The following STK17B variants were observed in gnomAD, a reference collection of about 807,000 sequenced individuals.
The protein encoded by STK17B is serine/threonine kinase 17b, also known as serine/threonine-protein kinase 17B.
In STK17B, 21 loss-of-function variants were observed where a neutral mutation model predicts 42.0. The ratio of observed to expected loss-of-function variants is 0.50; its 90% confidence interval spans 0.35 to 0.72. The LOEUF is 0.72. Ranked by LOEUF, STK17B falls within the 30% of genes least tolerant of loss-of-function variation. The probability of loss-of-function intolerance (pLI) is 0.00; values close to 1 mark genes in which losing one functional copy is unlikely to be tolerated. For missense variants in STK17B, 349 were observed against 446.0 expected, an observed-to-expected ratio of 0.78 and a Z score of 1.96; for synonymous variants, 143 against 148.4, an observed-to-expected ratio of 0.96 and a Z score of 0.26.
rs2105702483 is a variant in STK17B at position 196,156,591 on chromosome 2, T to G, written c.183A>C (p.Ala61=). The G allele has an allele frequency of 6.2e-7, 1 of 1,614,118 alleles. No homozygotes were observed. Among genetic ancestry groups the G allele is most frequent in the East Asian group, 2.2e-5 (1 of 44,848 alleles). The change falls in exon 3 of 8, where the codon GCA becomes GCC. Residue 61 remains alanine, a synonymous_variant. Transcript: ENST00000263955. ...CTCTTCTTCTCTTTTTTAGAAATTT[T>G]GCAGCATATTCTTGGCCAGTAGATT... is the stretch of plus-strand genomic sequence containing the variant. ...ISKSTGQEYA[A]KFLKKRRRGQ...
chr2:196,139,767 G>A lies in STK17B; in HGVS notation c.689C>T (p.Thr230Ile). The stretch of plus-strand genomic sequence containing the variant: ...TTCTCCCACAAATGGTGATGTGTGA[G>A]TTAACAACATATATGCTATTATACC... ...NIGIIAYMLL[T>I]HTSPFVGEDN... The change falls in exon 7 of 8, where the codon ACT becomes ATT. Residue 230 changes from threonine (T) to isoleucine (I), a missense_variant. Physicochemically the swap from Thr to Ile is moderately conservative, Grantham distance 89 (BLOSUM62 -1). Transcript: ENST00000263955. 7.0e-7 allele frequency: 1 copy of A among 1,434,010 alleles called. No individual in the cohort carries two copies. The highest frequency in any genetic ancestry group is 9.2e-7 in the Non-Finnish European group (1 of 1,088,964). 88.8% of individuals were successfully genotyped at this position (1,434,010 alleles called of 1,614,324 possible).
chr2:196,165,868 T>A (rs1018677028), intron 1 of STK17B: 5 of 152,252 alleles, frequency 3.3e-5, no homozygotes, highest in Non-Finnish European at 7.3e-5. Context: ...TCCCTGCAGT[T>A]CCCTGCCATT....
chr2:196,137,651 T>C lies in STK17B; in HGVS notation c.915A>G (p.Glu305=). The C allele has an allele frequency of 6.2e-7, 1 of 1,614,124 alleles. No homozygotes were observed. The highest frequency in any genetic ancestry group is 8.5e-7 in the Non-Finnish European group (1 of 1,180,002). The change falls in exon 8 of 8, where the codon GAA becomes GAG. Residue 305 remains glutamate (E), a synonymous_variant. Coordinates refer to ENST00000263955, the MANE Select transcript of STK17B (RefSeq NM_004226.4). ...QWDFENLFHP[E]ETSSSSQTQD... Reference sequence around the variant, plus strand: ...GAGTTTGAGAGGAACTGGAAGTTTCTTCAGGGTGAAACAAGTTTTCAAAGT... The same window carrying C: ...GAGTTTGAGAGGAACTGGAAGTTTCCTCAGGGTGAAACAAGTTTTCAAAGT...
chr2:196,173,812 T>C (rs896669074), upstream of STK17B, among the ~76,000 whole-genome samples: 19 of 152,102 alleles, frequency 1.2e-4, no homozygotes, highest in African/African-American at 4.3e-4. Flanking sequence ...ATGGGCTCAG[T>C]TGTGTTCTTT....
intron 2 of STK17B, among the ~76,000 whole-genome samples, chr2:196,161,151 G>T (rs1376564465): frequency 6.6e-6 from 1 of 152,078 alleles, no homozygotes; most frequent in East Asian, 1.9e-4. Flanking sequence ...CTGGATAACA[G>T]TTTGTTCGGG....
intron 4 of STK17B, among the ~76,000 whole-genome samples, chr2:196,143,917 A>G (rs910197389): frequency 6.6e-6 from 1 of 152,250 alleles, no homozygotes; most frequent in Non-Finnish European, 1.5e-5. Context: ...AGTTAAATGG[A>G]AAGATTAAGA....
chr2:196,153,908 A>G (rs1438882111), intron 3 of STK17B: 1 of 152,216 alleles, frequency 6.6e-6, no homozygotes, highest in Middle Eastern at 3.2e-3. Context: ...GAAATATTAA[A>G]AAGTGGGAAA....
chr2:196,143,617 G>A lies in STK17B; in HGVS notation c.550C>T (p.Arg184Ter), dbSNP rs2105681691. 1 of 1,607,460 alleles carries A rather than the reference G, an allele frequency of 6.2e-7. No homozygotes were observed. The highest frequency in any genetic ancestry group is 8.5e-7 in the Non-Finnish European group (1 of 1,177,032). The part of the protein sequence containing the change: ...DIKIVDFGMS[R>*]KIGHACELRE... ...AGTTCACACGCATGCCCTATTTTTC[G>A]AGACATTCCAAAATCTACTATTTTA... is the stretch of plus-strand genomic sequence containing the variant. The change falls in exon 5 of 8, where the codon CGA (arginine) becomes TGA (stop). Residue 184 changes from arginine (R) to a stop codon, truncating the protein, a stop_gained. Transcript: ENST00000263955. LOFTEE classifies it high-confidence loss of function.
At chr2:196,169,057 C>T (rs1699904734) in intron 1 of STK17B, among the ~76,000 whole-genome samples, 1 of 145,340 alleles carries the variant, frequency 6.9e-6, no homozygotes, top group Admixed American at 7.2e-5. Flanking sequence ...AGTAGTAAGC[C>T]TAGGAATACT....
At chr2:196,154,248 C>CAACAA (rs1699708524) in intron 3 of STK17B, 1 of 151,992 alleles carries the variant, frequency 6.6e-6, no homozygotes, top group Non-Finnish European at 1.5e-5. Context: ...ACAACAACAA[C>CAACAA]AACAACAACA....
At chr2:196,172,341 A>G (rs946516149), upstream of STK17B, among the ~76,000 whole-genome samples, 2 of 152,246 alleles carry the variant, frequency 1.3e-5, no homozygotes, top group African/African-American at 4.8e-5. Flanking sequence ...GTTCTGTGCA[A>G]GACACAAATG....
chr2:196,163,342 T>C lies in STK17B; in HGVS notation c.42A>G (p.Leu14=), dbSNP rs1025277176. The C allele has an allele frequency of 3.1e-6, 5 of 1,605,816 alleles. No homozygotes were observed. The highest frequency in any genetic ancestry group is 4.2e-6 in the Non-Finnish European group (5 of 1,178,126). ...RRFDCRSISG[L]LTTTPQIPIK... ...TTGGAATTTGAGGAGTTGTAGTTAG[T>C]AGGCCTGAAATACTTCGGCAATCAA... The change falls in exon 2 of 8, where the codon CTA becomes CTG. Residue 14 remains leucine (L), a synonymous_variant. Coordinates refer to ENST00000263955, the MANE Select transcript of STK17B (RefSeq NM_004226.4).
At chr2:196,171,760 C>G (rs1398552007), upstream of STK17B, among the ~76,000 whole-genome samples, 4 of 139,676 alleles carry the variant, frequency 2.9e-5, no homozygotes, top group Non-Finnish European at 6.2e-5. Flanking sequence ...CTGGCTGGCC[C>G]GAGGCGGGGC....
At chr2:196,160,002 A>T (rs1249245699) in intron 2 of STK17B, among the ~76,000 whole-genome samples, 1 of 152,218 alleles carries the variant, frequency 6.6e-6, no homozygotes, top group Admixed American at 6.5e-5. Flanking sequence ...TGACTTAGGA[A>T]AAAAACCAAA....
At position 196,171,478 on chromosome 2, in the gene STK17B, T is replaced by C. The variant is rs1699942449; in HGVS notation, c.-190A>G. On this transcript the variant is annotated 5_prime_UTR_variant, in exon 1 of 8. Coordinates refer to ENST00000263955, the MANE Select transcript of STK17B (RefSeq NM_004226.4). ...CTCCGAACGTGGCAGGATCCACTTT[T>C]ACTTTTCCAGACAAGGGCCGACGGT... is the stretch of plus-strand genomic sequence containing the variant. 6.6e-6 allele frequency: 1 copy of C among 152,272 alleles called. No homozygotes were observed. The highest frequency in any genetic ancestry group is 2.1e-4 in the South Asian group (1 of 4,830). 9.4% of individuals were successfully genotyped at this position (152,272 alleles called of 1,614,324 possible).
upstream of STK17B, among the ~76,000 whole-genome samples, chr2:196,174,791 T>G (rs1699983461): frequency 6.6e-6 from 1 of 152,258 alleles, no homozygotes; most frequent in Admixed American, 6.5e-5. Flanking sequence ...AGAGAGACTC[T>G]AAGAGACCTC....
chr2:196,168,154 T>TA (rs1699894206), intron 1 of STK17B, among the ~76,000 whole-genome samples: 1 of 152,212 alleles, frequency 6.6e-6, no homozygotes, highest in Non-Finnish European at 1.5e-5. Context: ...CTTAATCCTC[T>TA]AAAAATCACA....
intron 3 of STK17B, among the ~76,000 whole-genome samples, chr2:196,148,006 G>T (rs971202103): frequency 6.6e-6 from 1 of 152,092 alleles, no homozygotes; most frequent in African/African-American, 2.4e-5. Context: ...GGGATTACAG[G>T]TGTGAGCCAT....
At chr2:196,163,959 A>G (rs1046799143) in intron 1 of STK17B, among the ~76,000 whole-genome samples, 9 of 152,128 alleles carry the variant, frequency 5.9e-5, no homozygotes, top group African/African-American at 2.2e-4. Flanking sequence ...GCATCACTTG[A>G]GCCCAGAAGT....
Sources: gnomAD v4.1 joint callset for allele counts (sites outside exome capture counted in the v4.1 genomes callset) on GRCh38, gnomAD v4.1.1 for gene constraint, MANE v1.5 for transcripts, NCBI Gene and HGNC (gene_info 2026-07-23, HGNC 2026-07-21) for gene names.